Variants in SPAG9 observed in about 807,000 individuals in gnomAD.
SPAG9 encodes C-Jun-amino-terminal kinase-interacting protein 4.
In SPAG9, 35 loss-of-function variants were observed where a neutral mutation model predicts 166.5. That is an observed-to-expected ratio of 0.21 (90% confidence interval 0.16 to 0.28). The LOEUF is 0.28. Ranked by LOEUF, SPAG9 falls within the 10% of genes least tolerant of loss-of-function variation. SPAG9 has a pLI of 1.00. For synonymous variants in SPAG9, 534 were observed against 565.5 expected, an observed-to-expected ratio of 0.94 and a Z score of 0.79; for missense variants, 1,235 against 1,603.3, an observed-to-expected ratio of 0.77 and a Z score of 3.92.
At chr17:51,061,352 C>A (rs1364513882) in intron 2 of SPAG9, among the ~76,000 whole-genome samples, 1 of 152,096 alleles carries the variant, frequency 6.6e-6, no homozygotes. Flanking sequence ...GTGGCTCAAA[C>A]TTGTAATCCC....
chr17:50,964,085 C>T lies in SPAG9; in HGVS notation c.*2187G>A, dbSNP rs1032802321. On this transcript the variant is annotated 3_prime_UTR_variant, in exon 30 of 30. Transcript: ENST00000262013. The stretch of plus-strand genomic sequence containing the variant: ...AATCCCATGTACTTCACAATCTAGC[C>T]TAATCGTGTATATGCATAAAAGCCA... 6.6e-6 allele frequency: 1 copy of T among 152,040 alleles called. No homozygotes were observed. Among genetic ancestry groups the T allele is most frequent in the African/African-American group, 2.4e-5 (1 of 41,384 alleles). 9.4% of individuals were successfully genotyped at this position (152,040 alleles called of 1,614,324 possible).
Position 51,053,865 on chromosome 17 carries a change from A to AG in SPAG9, c.495+2546_495+2547insC, listed in dbSNP as rs2047270302. Among the ~76,000 whole-genome samples the AG allele has an allele frequency of 2.4e-3, 189 of 78,076 alleles. 2 individuals carry two copies. The highest frequency in any genetic ancestry group is 3.2e-3 in the Non-Finnish European group (138 of 42,582). The allele number at this position is 78,076 out of a possible 152,430, so 51.2% of individuals were successfully genotyped here. On this transcript the variant is annotated intron_variant, in intron 3 of 29. Transcript: ENST00000262013. ...AAAAAAAAAAAAAAAGTATATATAT[A>AG]TATATATATATATATATATATATAT...
intron 6 of SPAG9, among the ~76,000 whole-genome samples, chr17:51,029,953 A>G (rs984793547): frequency 3.3e-5 from 5 of 152,186 alleles, no homozygotes; most frequent in Non-Finnish European, 7.4e-5. Context: ...ACCACATCAG[A>G]GGTCATAAGA....
At chr17:51,036,338 T>C (rs1054444530) in intron 5 of SPAG9, among the ~76,000 whole-genome samples, 10 of 152,180 alleles carry the variant, frequency 6.6e-5, no homozygotes, top group Non-Finnish European at 7.3e-5. Context: ...TGCTCAAATC[T>C]ACACCTATAA....
chr17:51,073,066 C>T (rs2047868166), intron 2 of SPAG9, among the ~76,000 whole-genome samples: 1 of 152,174 alleles, frequency 6.6e-6, no homozygotes, highest in Non-Finnish European at 1.5e-5. Flanking sequence ...TGGCTCATGC[C>T]TGTAATCCCA....
intron 8 of SPAG9, among the ~76,000 whole-genome samples, chr17:51,015,648 T>C (rs116105862): frequency 6.6e-6 from 1 of 150,620 alleles, no homozygotes; most frequent in African/African-American, 2.4e-5. Context: ...TTCTTCAGAA[T>C]AAATGTTGCA....
At chr17:50,984,087 T>C (rs1047249913) in intron 24 of SPAG9, among the ~76,000 whole-genome samples, 9 of 152,210 alleles carry the variant, frequency 5.9e-5, no homozygotes, top group Non-Finnish European at 7.3e-5. Flanking sequence ...GTATCATTTT[T>C]GGTTGACACA....
intron 25 of SPAG9, among the ~76,000 whole-genome samples, chr17:50,981,483 AAGATAGATAGATAGAT>A (rs71353692): frequency 0.058 from 8,306 of 143,896 alleles, 315 homozygotes; most frequent in Non-Finnish European, 0.081. Flanking sequence ...TACACAGATA[AAGATAGATAGATAGAT>A]AGATAGATAG....
chr17:51,068,126 C>G (rs1016214102), intron 2 of SPAG9, among the ~76,000 whole-genome samples: 1 of 152,216 alleles, frequency 6.6e-6, no homozygotes, highest in Non-Finnish European at 1.5e-5. Flanking sequence ...GATAGTCCAA[C>G]TGTTGCTGGG....
intron 1 of SPAG9, among the ~76,000 whole-genome samples, chr17:51,113,838 T>C (rs760825554): frequency 1.3e-5 from 2 of 149,792 alleles, no homozygotes; most frequent in South Asian, 4.2e-4. Flanking sequence ...CTACAAAAAA[T>C]ACAAAAATTA....
At chr17:51,077,192 C>A (rs955424478) in intron 2 of SPAG9, among the ~76,000 whole-genome samples, 3 of 150,940 alleles carry the variant, frequency 2.0e-5, no homozygotes, top group South Asian at 4.2e-4. Context: ...GGTGTGATCT[C>A]GGCTCACTGC....
At chr17:51,081,430 G>C (rs546734773) in intron 1 of SPAG9, among the ~76,000 whole-genome samples, 1 of 148,966 alleles carries the variant, frequency 6.7e-6, no homozygotes, top group East Asian at 2.0e-4. Flanking sequence ...CAGCCTGGGC[G>C]ACAGAACAAG....
intron 27 of SPAG9, chr17:50,976,874 G>T: frequency 2.6e-6 from 1 of 379,420 alleles, no homozygotes; most frequent in South Asian, 3.4e-5. Context: ...ATAGGACTGT[G>T]ATTCCTGAAC....
intron 2 of SPAG9, among the ~76,000 whole-genome samples, chr17:51,071,255 A>G (rs1042584434): frequency 6.6e-6 from 1 of 152,194 alleles, no homozygotes; most frequent in Non-Finnish European, 1.5e-5. Flanking sequence ...AATACACAAC[A>G]TACAACAGAG....
At chr17:51,105,354 T>C (rs1430529811) in intron 1 of SPAG9, among the ~76,000 whole-genome samples, 1 of 152,134 alleles carries the variant, frequency 6.6e-6, no homozygotes, top group Non-Finnish European at 1.5e-5. Flanking sequence ...CAAAAAACAC[T>C]GCTGAGACAT....
At chr17:50,979,165 G>A (rs1974403516) in intron 26 of SPAG9, among the ~76,000 whole-genome samples, 1 of 151,452 alleles carries the variant, frequency 6.6e-6, no homozygotes, top group Admixed American at 6.6e-5. Context: ...CTTGAGCCCA[G>A]GAGTTTAAGG....
intron 26 of SPAG9, among the ~76,000 whole-genome samples, chr17:50,979,429 T>C (rs1206062002): frequency 6.6e-6 from 1 of 150,576 alleles, no homozygotes; most frequent in Non-Finnish European, 1.5e-5. Flanking sequence ...TCTGACACTT[T>C]CAATGATAAA....
intron 19 of SPAG9, among the ~76,000 whole-genome samples, chr17:50,991,923 CT>C (rs1023810785): frequency 0.061 from 3,860 of 63,262 alleles, 123 homozygotes; most frequent in African/African-American, 0.12. Flanking sequence ...CATGCCAGGT[CT>C]TTTTTTTTTT....
rs1226628099 is a variant in SPAG9 at position 51,120,402 on chromosome 17, G to A, written c.255C>T (p.Leu85=). The change falls in exon 1 of 30, where the codon CTC becomes CTT. Residue 85 remains leucine (L), a synonymous_variant. Transcript: ENST00000262013. This position sits in a 1 kb window ranked among gnomAD's most constrained non-coding sequence, Gnocchi z 4.7. The part of the protein sequence containing the change: ...LELLRDDNEQ[L]ITQYEREKAL... ...CCTTCTCCCGCTCGTACTGGGTGATGAGCTGCTCGTTGTCGTCCCGCAGCA... is the reference window on the plus strand; with the variant it reads ...CCTTCTCCCGCTCGTACTGGGTGATAAGCTGCTCGTTGTCGTCCCGCAGCA... 6.2e-6 allele frequency: 10 copies of A among 1,610,884 alleles called. No individual in the cohort carries two copies. Among genetic ancestry groups the A allele is most frequent in the African/African-American group, 2.7e-5 (2 of 74,822 alleles).
Sources: allele counts gnomAD v4.1 joint callset (sites outside exome capture counted in the v4.1 genomes callset), GRCh38; gene constraint gnomAD v4.1.1; non-coding constraint Gnocchi (gnomAD v3.1); transcripts MANE v1.5; gene names NCBI Gene and HGNC (gene_info 2026-07-23, HGNC 2026-07-21).